Variants in NPAS2 observed in about 807,000 individuals in gnomAD.
NPAS2 encodes the protein neuronal PAS domain protein 2.
NPAS2 carries 23 observed loss-of-function variants against 107.5 expected under a neutral mutation model. The ratio of observed to expected loss-of-function variants is 0.21; its 90% confidence interval spans 0.15 to 0.30. The LOEUF (loss-of-function observed/expected upper bound fraction) is 0.30, where lower values mean the gene tolerates loss of function less well. Among genes scored for constraint, NPAS2 ranks in the 10% least tolerant of loss-of-function variants. The pLI is 1.00. For missense variants in NPAS2, 756 were observed against 1,043.3 expected (o/e 0.72, Z 3.79); for synonymous variants, 403 against 417.5 (o/e 0.97, Z 0.42).
intron 1 of NPAS2, among the ~76,000 whole-genome samples, chr2:100,831,561 A>G (rs2104366278): frequency 6.6e-6 from 1 of 152,226 alleles, no homozygotes; most frequent in Admixed American, 6.5e-5. Context: ...AGCTCATCTA[A>G]TGACCAAAAG....
intron 1 of NPAS2, among the ~76,000 whole-genome samples, chr2:100,876,678 T>G (rs754055178): frequency 3.9e-5 from 6 of 152,140 alleles, no homozygotes; most frequent in Non-Finnish European, 8.8e-5. Context: ...TCCCTTCTGC[T>G]TGTTGCTGTT....
At chr2:100,988,309 C>A in intron 17 of NPAS2, 33 bp downstream of exon 17, 2 of 1,578,530 alleles carry the variant, frequency 1.3e-6, no homozygotes, top group Non-Finnish European at 8.7e-7. Context: ...TCACTCCTTG[C>A]CTCTAGAGCA....
intron 2 of NPAS2, 69 bp downstream of exon 2, chr2:100,904,855 G>T: frequency 1.7e-6 from 2 of 1,181,102 alleles, no homozygotes; most frequent in Non-Finnish European, 1.2e-6. Flanking sequence ...GCAGAATCTC[G>T]CTGGCTTTCA....
At chr2:100,931,913 A>AGAGAGCCT (rs3835796) in intron 3 of NPAS2, among the ~76,000 whole-genome samples, 4,919 of 152,298 alleles carry the variant, frequency 0.032, 124 homozygotes, top group East Asian at 0.083. Context: ...GGCACAAAGG[A>AGAGAGCCT]GAGAGCCTTG....
At chr2:100,859,606 C>T (rs747919856) in intron 1 of NPAS2, among the ~76,000 whole-genome samples, 13 of 151,988 alleles carry the variant, frequency 8.6e-5, no homozygotes, top group Non-Finnish European at 1.5e-4. Context: ...GCCAGGGGAG[C>T]GAGCAGAGCT....
intron 4 of NPAS2, among the ~76,000 whole-genome samples, chr2:100,935,747 A>T (rs1171531223): frequency 6.6e-6 from 1 of 152,070 alleles, no homozygotes; most frequent in Non-Finnish European, 1.5e-5. Flanking sequence ...CAGTGCCCTT[A>T]CCCCTTAAAA....
chr2:100,945,990 GC>G (rs1674870501), intron 5 of NPAS2, among the ~76,000 whole-genome samples: 1 of 152,228 alleles, frequency 6.6e-6, no homozygotes, highest in African/African-American at 2.4e-5. Context: ...AAGGCACTGG[GC>G]CCTGCTCTCC....
chr2:100,977,708 A>AG lies in NPAS2; in HGVS notation c.1393dup. 1 of 1,613,862 alleles carries AG rather than the reference A, an allele frequency of 6.2e-7. No individual in the cohort carries two copies. The highest frequency in any genetic ancestry group is 8.5e-7 in the Non-Finnish European group (1 of 1,179,728). On this transcript the variant is annotated splice_acceptor_variant, in intron 14 of 20. Coordinates refer to ENST00000335681, the MANE Select transcript of NPAS2 (RefSeq NM_002518.4). LOFTEE classifies it high-confidence loss of function. ...GTAACAAAGCCCCTTTCTCTCCCACAGGCCCCTCTGCCTTCCCCATCGTCC... is the reference window on the plus strand; with the variant it reads ...GTAACAAAGCCCCTTTCTCTCCCACAGGGCCCCTCTGCCTTCCCCATCGTCC...
chr2:100,943,903 C>T (rs1402200738), intron 5 of NPAS2, among the ~76,000 whole-genome samples: 1 of 152,160 alleles, frequency 6.6e-6, no homozygotes, highest in African/African-American at 2.4e-5. Flanking sequence ...TGGGCCATAC[C>T]ACAGACGTAT....
intron 4 of NPAS2, among the ~76,000 whole-genome samples, chr2:100,933,555 A>G (rs774009968): frequency 6.6e-6 from 1 of 152,134 alleles, no homozygotes; most frequent in Non-Finnish European, 1.5e-5. Flanking sequence ...TGAGATGCTC[A>G]TGTTCCTCCC....
rs184573516 is a variant in NPAS2, at chr2:100,881,116, C to T, written c.-22-23617C>T. Among the ~76,000 whole-genome samples the T allele has an allele frequency of 2.1e-3, 321 of 152,336 alleles. 1 individual carries two copies. Among genetic ancestry groups the T allele is most frequent in the African/African-American group, 7.4e-3 (308 of 41,582 alleles). ...TGGCCTAAGGTGTGGACTGGGCATC[C>T]GGACAAAGGCCCCTGGTGTCTTAGC... is the stretch of plus-strand genomic sequence containing the variant. On this transcript the variant is annotated intron_variant, in intron 1 of 20. Transcript: ENST00000335681.
chr2:100,861,683 C>T (rs925033202), intron 1 of NPAS2, among the ~76,000 whole-genome samples: 1 of 152,142 alleles, frequency 6.6e-6, no homozygotes, highest in Non-Finnish European at 1.5e-5. Context: ...GCCTCTTCTA[C>T]AGGTATTGAA....
chr2:100,967,384 A>G (rs1406014652), intron 10 of NPAS2, among the ~76,000 whole-genome samples: 1 of 148,866 alleles, frequency 6.7e-6, no homozygotes, highest in Non-Finnish European at 1.5e-5. Flanking sequence ...CCGCCACCAC[A>G]CCCGGCTAAT....
Position 100,995,608 on chromosome 2 carries a change from A to G in NPAS2, c.*26A>G, listed in dbSNP as rs776364932. Reference sequence around the variant, plus strand: ...TGCCCCGGCACTGAAGTCGGGACACAATCAGCTTTAACCAATGGATGAGGG... The same window carrying G: ...TGCCCCGGCACTGAAGTCGGGACACGATCAGCTTTAACCAATGGATGAGGG... On this transcript the variant is annotated 3_prime_UTR_variant, in exon 21 of 21. Transcript: ENST00000335681. 3 of 1,592,028 alleles carry G rather than the reference A, an allele frequency of 1.9e-6. No individual in the cohort carries two copies. Among genetic ancestry groups the G allele is most frequent in the East Asian group, 4.5e-5 (2 of 44,522 alleles).
intron 1 of NPAS2, among the ~76,000 whole-genome samples, chr2:100,826,651 G>A (rs747862111): frequency 7.6e-4 from 115 of 152,036 alleles, no homozygotes; most frequent in African/African-American, 2.2e-3. Flanking sequence ...TACAGTTTTT[G>A]TATTAACTTC....
chr2:100,948,723 T>C (rs1451848558), intron 6 of NPAS2, among the ~76,000 whole-genome samples: 1 of 152,196 alleles, frequency 6.6e-6, no homozygotes, highest in Non-Finnish European at 1.5e-5. Flanking sequence ...TCATATAATA[T>C]CAAGAAACCA....
rs113593601 is a variant in NPAS2 at position 100,946,893 on chromosome 2, C to T, written c.364-1342C>T. On this transcript the variant is annotated intron_variant, in intron 5 of 20. Coordinates refer to ENST00000335681, the MANE Select transcript of NPAS2 (RefSeq NM_002518.4). ...GGACGAGAAGGAGAGAAGACAAAGG[C>T]GCCACCAGAGGGTCTGGGACAGGCA... is the stretch of plus-strand genomic sequence containing the variant. 1.1e-4 allele frequency among the ~76,000 whole-genome samples: 17 copies of T among 152,184 alleles called. 1 individual carries two copies. The highest frequency in any genetic ancestry group is 2.9e-4 in the African/African-American group (12 of 41,524).
intron 1 of NPAS2, chr2:100,821,225 G>C: frequency 7.7e-7 from 1 of 1,297,472 alleles, no homozygotes; most frequent in Non-Finnish European, 1.0e-6. Flanking sequence ...TCAGCCCTGT[G>C]ATTCATAAAT....
intron 1 of NPAS2, among the ~76,000 whole-genome samples, chr2:100,849,796 G>A (rs1678030197): frequency 1.3e-5 from 2 of 152,032 alleles, no homozygotes; most frequent in Non-Finnish European, 2.9e-5. Flanking sequence ...GACACAGCGT[G>A]GTTCTGGTCC....
Sources: gnomAD v4.1 joint callset for allele counts (sites outside exome capture counted in the v4.1 genomes callset) on GRCh38, gnomAD v4.1.1 for gene constraint, MANE v1.5 for transcripts, NCBI Gene and HGNC (gene_info 2026-07-23, HGNC 2026-07-21) for gene names.